The following SH3RF3 variants were observed in gnomAD, a reference collection of about 807,000 sequenced individuals.
SH3RF3 encodes the protein E3 ubiquitin-protein ligase SH3RF3.
SH3RF3 carries 29 observed loss-of-function variants against 66.3 expected under a neutral mutation model. The observed-to-expected ratio is 0.44, with a 90% CI of 0.33 to 0.60. SH3RF3 has a LOEUF of 0.60. Ranked by LOEUF, SH3RF3 falls within the 20% of genes least tolerant of loss-of-function variation. The pLI is 0.04. For synonymous variants in SH3RF3, 583 were observed against 532.0 expected, an observed-to-expected ratio of 1.10 and a Z score of -1.32; for missense variants, 1,194 against 1,190.9, an observed-to-expected ratio of 1.00 and a Z score of -0.04.
intron 1 of SH3RF3, among the ~76,000 whole-genome samples, chr2:109,215,714 C>T (rs1334313390): frequency 6.6e-6 from 1 of 152,180 alleles, no homozygotes; most frequent in East Asian, 1.9e-4. Flanking sequence ...GTGTGACTCA[C>T]CCTGTGAACT....
intron 8 of SH3RF3, among the ~76,000 whole-genome samples, chr2:109,458,869 T>A (rs1431208532): frequency 6.6e-6 from 1 of 152,236 alleles, no homozygotes; most frequent in Non-Finnish European, 1.5e-5. Flanking sequence ...AATGCCTTCA[T>A]AGCAACATCT....
intron 2 of SH3RF3, among the ~76,000 whole-genome samples, chr2:109,359,322 TTTGA>T (rs1683009852): frequency 6.6e-6 from 1 of 152,262 alleles, no homozygotes; most frequent in Non-Finnish European, 1.5e-5. Flanking sequence ...TTGCTGATAC[TTTGA>T]TTGAGATTGT....
intron 1 of SH3RF3, among the ~76,000 whole-genome samples, chr2:109,317,305 CA>C: frequency 6.6e-6 from 1 of 152,278 alleles, no homozygotes; most frequent in Non-Finnish European, 1.5e-5. Flanking sequence ...AGGGCGACAG[CA>C]ATGCCTGTCC....
chr2:109,467,913 C>T (rs1261026232), intron 8 of SH3RF3, among the ~76,000 whole-genome samples: 1 of 152,200 alleles, frequency 6.6e-6, no homozygotes, highest in African/African-American at 2.4e-5. Flanking sequence ...GCACCAACAC[C>T]CCAGGGCGCA....
chr2:109,481,622 T>G (rs557885638), intron 8 of SH3RF3, among the ~76,000 whole-genome samples: 49 of 152,312 alleles, frequency 3.2e-4, no homozygotes, highest in African/African-American at 1.1e-3. Context: ...CCACTCAGGC[T>G]GTGCTAATAG....
chr2:109,495,575 G>A (rs956743303), intron 9 of SH3RF3, among the ~76,000 whole-genome samples: 8 of 128,828 alleles, frequency 6.2e-5, no homozygotes, highest in African/African-American at 8.9e-5. Context: ...TGCAACCTCC[G>A]CCTCCCAGAT....
At chr2:109,199,632 T>TC (rs1458718729) in intron 1 of SH3RF3, among the ~76,000 whole-genome samples, 3 of 68 alleles carry the variant, frequency 0.044, no homozygotes, top group Admixed American at 0.062. Flanking sequence ...TGGAATGGAA[T>TC]GGAATGGAAT....
Position 109,460,328 on chromosome 2 carries a change from A to G in SH3RF3, c.2148+10839A>G, listed in dbSNP as rs917579921. On this transcript the variant is annotated intron_variant, in intron 8 of 9. Transcript: ENST00000309415. Reference sequence around the variant, plus strand: ...TTCCTTGATGGAGGTGGTCCAAGGTAGTCACCTTGCCCCCAGGTGGATGCT... The same window carrying G: ...TTCCTTGATGGAGGTGGTCCAAGGTGGTCACCTTGCCCCCAGGTGGATGCT... Among the ~76,000 whole-genome samples, 15 of 152,316 alleles carry G rather than the reference A, an allele frequency of 9.8e-5. No individual in the cohort carries two copies. The South Asian group carries it at 1.2e-3, about 13-fold the overall frequency.
intron 1 of SH3RF3, among the ~76,000 whole-genome samples, chr2:109,132,548 C>G (rs995235238): frequency 3.0e-4 from 45 of 152,130 alleles, no homozygotes; most frequent in Non-Finnish European, 5.1e-4. Context: ...GATGCTGCCC[C>G]TGGAAATAAT....
rs935164660 is a variant in SH3RF3 at position 109,148,189 on chromosome 2, C to T, written c.573+18076C>T. 3.9e-5 allele frequency among the ~76,000 whole-genome samples: 6 copies of T among 152,346 alleles called. No individual in the cohort carries two copies. The South Asian group carries it at 6.2e-4, about 16-fold the overall frequency. On this transcript the variant is annotated intron_variant, in intron 1 of 9. Coordinates refer to ENST00000309415, the MANE Select transcript of SH3RF3 (RefSeq NM_001099289.3). ...TTACCGATGGTGGAAACCTGGCTCT[C>T]CCACCTGCCTGCTCTAGGACTCAGG...
At position 109,420,594 on chromosome 2, in the gene SH3RF3, A is replaced by C. The variant is rs541785686; in HGVS notation, c.1403+952A>C. On this transcript the variant is annotated intron_variant, in intron 5 of 9. Transcript: ENST00000309415. ...CCAAGTAGCTGGGACTACAGGTGCC[A>C]GCCACCACGCCTGGCTAAATTTTTG... Among the ~76,000 whole-genome samples, 1,021 of 152,158 alleles carry C rather than the reference A, an allele frequency of 6.7e-3. 2 individuals carry two copies. The highest frequency in any genetic ancestry group is 0.011 in the Non-Finnish European group (752 of 67,988).
intron 7 of SH3RF3, 124 bp downstream of exon 7, chr2:109,437,270 A>C: frequency 7.1e-7 from 1 of 1,403,682 alleles, no homozygotes; most frequent in Non-Finnish European, 9.4e-7. Context: ...GCTTCATGGC[A>C]GCTGGAGAAA....
At chr2:109,385,441 G>GTAT (rs1195140621) in intron 3 of SH3RF3, among the ~76,000 whole-genome samples, 1 of 152,206 alleles carries the variant, frequency 6.6e-6, no homozygotes, top group Non-Finnish European at 1.5e-5. Flanking sequence ...TAGTAGCAGC[G>GTAT]TGTTGTTTTT....
intron 1 of SH3RF3, among the ~76,000 whole-genome samples, chr2:109,163,364 C>G (rs1447799431): frequency 7.2e-6 from 1 of 138,042 alleles, no homozygotes; most frequent in Non-Finnish European, 1.5e-5. Flanking sequence ...CTGGAGTTCT[C>G]AATAGATTAA....
intron 2 of SH3RF3, among the ~76,000 whole-genome samples, chr2:109,356,511 G>A (rs994829729): frequency 2.6e-5 from 4 of 152,202 alleles, no homozygotes; most frequent in Non-Finnish European, 4.4e-5. Flanking sequence ...GTTTTCATGT[G>A]CTTTCTCAAT....
At chr2:109,344,686 C>T (rs1682644272) in intron 1 of SH3RF3, among the ~76,000 whole-genome samples, 1 of 152,160 alleles carries the variant, frequency 6.6e-6, no homozygotes, top group African/African-American at 2.4e-5. Flanking sequence ...GGAGGGTGCA[C>T]AGCCCTCTGG....
intron 1 of SH3RF3, among the ~76,000 whole-genome samples, chr2:109,342,666 C>T (rs914346144): frequency 2.6e-5 from 4 of 152,186 alleles, no homozygotes; most frequent in Non-Finnish European, 4.4e-5. Context: ...CTCAGGGGTA[C>T]GGCTTGCCTG....
intron 1 of SH3RF3, among the ~76,000 whole-genome samples, chr2:109,163,383 A>G (rs1363413737): frequency 6.8e-6 from 1 of 147,204 alleles, no homozygotes; most frequent in East Asian, 2.0e-4. Context: ...AACCAAGAGC[A>G]AATATTCTTT....
intron 3 of SH3RF3, among the ~76,000 whole-genome samples, chr2:109,381,173 C>T (rs1036172090): frequency 6.6e-6 from 1 of 152,228 alleles, no homozygotes; most frequent in African/African-American, 2.4e-5. Flanking sequence ...CTACTCAGGA[C>T]TGGAAGTGTG....
Sources: allele counts gnomAD v4.1 joint callset (sites outside exome capture counted in the v4.1 genomes callset), GRCh38; gene constraint gnomAD v4.1.1; transcripts MANE v1.5; gene names NCBI Gene and HGNC (gene_info 2026-07-23, HGNC 2026-07-21).